SLC35F1: variants seen among roughly 807,000 people sequenced by gnomAD.
The protein encoded by SLC35F1 is solute carrier family 35 member F1, also known as chromosome 6 open reading frame 169.
Under a neutral mutation model 48.7 loss-of-function variants are expected in SLC35F1, and 14 were observed. The observed-to-expected ratio is 0.29, with a 90% confidence interval of 0.19 to 0.45. The LOEUF (loss-of-function observed/expected upper bound fraction) is 0.45, where lower values mean the gene tolerates loss of function less well. Ranked by LOEUF, SLC35F1 falls within the 20% of genes least tolerant of loss-of-function variation. SLC35F1 has a pLI of 1.00. For synonymous variants in SLC35F1, 190 were observed against 202.2 expected, an observed-to-expected ratio of 0.94 and a Z score of 0.51; for missense variants, 404 against 500.0, an observed-to-expected ratio of 0.81 and a Z score of 1.83.
At chr6:118,083,014 A>G (rs1053445109) in intron 1 of SLC35F1, among the ~76,000 whole-genome samples, 5 of 152,178 alleles carry the variant, frequency 3.3e-5, no homozygotes, top group African/African-American at 9.7e-5. Context: ...GAATGGGGAA[A>G]AAACTGCTAG....
chr6:118,272,649 A>G (rs1357647911), intron 4 of SLC35F1, among the ~76,000 whole-genome samples: 3 of 151,278 alleles, frequency 2.0e-5, no homozygotes, highest in Non-Finnish European at 4.4e-5. Flanking sequence ...ACTTCTTAAC[A>G]GAGGAAATAT....
intron 1 of SLC35F1, among the ~76,000 whole-genome samples, chr6:118,128,836 T>A (rs538277930): frequency 0.013 from 1,977 of 151,882 alleles, 36 homozygotes; most frequent in African/African-American, 0.044. Flanking sequence ...AATAAATAAA[T>A]AAAAGAAAAG....
chr6:118,278,068 C>T (rs1159820916), intron 6 of SLC35F1, among the ~76,000 whole-genome samples: 1 of 152,180 alleles, frequency 6.6e-6, no homozygotes, highest in African/African-American at 2.4e-5. Context: ...TTAGAAAATA[C>T]CAGACACGCT....
intron 1 of SLC35F1, among the ~76,000 whole-genome samples, chr6:118,033,174 A>G (rs975714045): frequency 2.0e-5 from 3 of 152,156 alleles, no homozygotes; most frequent in Non-Finnish European, 2.9e-5. Flanking sequence ...AATGATTCCA[A>G]GCATTTTTCC....
chr6:118,099,893 G>A (rs894569691), intron 1 of SLC35F1, among the ~76,000 whole-genome samples: 2 of 152,094 alleles, frequency 1.3e-5, no homozygotes, highest in African/African-American at 4.8e-5. Flanking sequence ...AAAAAGCTGT[G>A]ATTTGATATT....
chr6:118,203,549 C>G (rs187747336), intron 2 of SLC35F1, among the ~76,000 whole-genome samples: 2 of 152,296 alleles, frequency 1.3e-5, no homozygotes, highest in Admixed American at 1.3e-4. Context: ...TCTGAGGGCT[C>G]TTTTTGCAGT....
chr6:117,948,118 GC>G (rs1417031698), intron 1 of SLC35F1, among the ~76,000 whole-genome samples: 1 of 152,152 alleles, frequency 6.6e-6, no homozygotes, highest in Non-Finnish European at 1.5e-5. Context: ...AAAAAGTGTG[GC>G]CAATGGTTTA....
intron 1 of SLC35F1, among the ~76,000 whole-genome samples, chr6:118,022,739 C>G (rs192849306): frequency 6.7e-6 from 1 of 148,390 alleles, no homozygotes; most frequent in Admixed American, 6.7e-5. Context: ...AGGCTACAAG[C>G]TTGGACAATT....
intron 1 of SLC35F1, among the ~76,000 whole-genome samples, chr6:118,122,246 G>GA (rs59588804): frequency 0.17 from 23,556 of 140,340 alleles, 1,918 homozygotes; most frequent in South Asian, 0.35. Flanking sequence ...GTTCTACTCA[G>GA]AAAAAAAAAA....
chr6:118,214,429 GA>G (rs1262623528), intron 2 of SLC35F1, among the ~76,000 whole-genome samples: 3 of 152,094 alleles, frequency 2.0e-5, no homozygotes, highest in African/African-American at 4.8e-5. Context: ...CTTTAAAAGA[GA>G]ATTATTCCCT....
chr6:118,011,477 A>C (rs957816025), intron 1 of SLC35F1, among the ~76,000 whole-genome samples: 2 of 152,136 alleles, frequency 1.3e-5, no homozygotes, highest in Non-Finnish European at 2.9e-5. Context: ...GCAAGGGGGA[A>C]GTCTGCCTCC....
Position 117,907,899 on chromosome 6 carries a change from G to A in SLC35F1, c.173G>A (p.Arg58Lys). Residue 58 changes from arginine to lysine, a missense_variant and splice_region_variant, in exon 1 of 8, where the codon AGG becomes AAG. This residue lies in a region of SLC35F1 where 98 missense variants were observed against 81.0 expected (regional missense o/e 1.21). Transcript: ENST00000360388. The part of the protein sequence containing the change: ...VRQRIRKVLN[R>K]EMLISVALGQ... Reference sequence around the variant, plus strand: ...CAGAGGATCCGCAAAGTGCTGAACAGGTGAGCGGCGGCGCCGGGCGAGGGC... The same window carrying A: ...CAGAGGATCCGCAAAGTGCTGAACAAGTGAGCGGCGGCGCCGGGCGAGGGC... The A allele has an allele frequency of 7.4e-7, 1 of 1,348,070 alleles. No homozygotes were observed. Among genetic ancestry groups the A allele is most frequent in the East Asian group, 3.0e-5 (1 of 33,644 alleles). The allele number at this position is 1,348,070 out of a possible 1,614,324, so 83.5% of individuals were successfully genotyped here. A position where few individuals can be genotyped will look rare whatever the true frequency, so the allele number is the denominator to read the frequency against.
At chr6:118,258,305 C>T (rs1338438329) in intron 3 of SLC35F1, among the ~76,000 whole-genome samples, 4 of 152,102 alleles carry the variant, frequency 2.6e-5, no homozygotes. Context: ...TCTTGTTTAT[C>T]TGACATCAAT....
At chr6:118,024,198 G>A (rs186300365) in intron 1 of SLC35F1, among the ~76,000 whole-genome samples, 194 of 152,254 alleles carry the variant, frequency 1.3e-3, no homozygotes, top group Non-Finnish European at 1.7e-3. Context: ...ACAGGGAGGA[G>A]TTGTGAGCCT....
At chr6:118,012,161 A>G (rs1317379874) in intron 1 of SLC35F1, among the ~76,000 whole-genome samples, 1 of 152,082 alleles carries the variant, frequency 6.6e-6, no homozygotes, top group African/African-American at 2.4e-5. Flanking sequence ...CAGGAGGTAA[A>G]GGAATAGGAG....
At chr6:118,015,194 C>T (rs996226054) in intron 1 of SLC35F1, among the ~76,000 whole-genome samples, 5 of 152,078 alleles carry the variant, frequency 3.3e-5, no homozygotes, top group African/African-American at 1.2e-4. Context: ...CCTCTTTTTC[C>T]TTATAAATTA....
chr6:117,954,929 C>T (rs1776410529), intron 1 of SLC35F1, among the ~76,000 whole-genome samples: 1 of 152,166 alleles, frequency 6.6e-6, no homozygotes, highest in African/African-American at 2.4e-5. Flanking sequence ...TAAGCATATT[C>T]TCTTGTAATT....
intron 1 of SLC35F1, among the ~76,000 whole-genome samples, chr6:118,079,009 TA>T (rs1418205066): frequency 2.0e-5 from 3 of 152,288 alleles, no homozygotes; most frequent in African/African-American, 4.8e-5. Context: ...GGGGTCCACT[TA>T]AAAAAATGTA....
chr6:118,240,497 C>T (rs949910538), intron 3 of SLC35F1, among the ~76,000 whole-genome samples: 90 of 152,150 alleles, frequency 5.9e-4, no homozygotes, highest in South Asian at 4.1e-4. Context: ...GTTCAAGACA[C>T]TGTATTAGGT....
Sources: gnomAD v4.1 joint callset for allele counts (sites outside exome capture counted in the v4.1 genomes callset) on GRCh38, gnomAD v4.1.1 for gene constraint, gnomAD v4.1.1 regional missense constraint, MANE v1.5 for transcripts, NCBI Gene and HGNC (gene_info 2026-07-23, HGNC 2026-07-21) for gene names.